Variants in CAMKK1 observed in about 807,000 individuals in gnomAD.
The protein encoded by CAMKK1 is calcium/calmodulin-dependent protein kinase kinase 1.
Under a neutral mutation model 63.5 loss-of-function variants are expected in CAMKK1, and 20 were observed. The observed-to-expected ratio is 0.32, with a 90% CI of 0.22 to 0.46. The LOEUF is 0.46. Ranked by LOEUF, CAMKK1 falls within the 20% of genes least tolerant of loss-of-function variation. The probability of loss-of-function intolerance (pLI) is 1.00; values close to 1 mark genes in which losing one functional copy is unlikely to be tolerated. For synonymous variants in CAMKK1, 253 were observed against 269.0 expected (o/e 0.94, Z 0.58); for missense variants, 588 against 658.1 (o/e 0.89, Z 1.17).
At chr17:3,880,533 C>T in intron 8 of CAMKK1, 99 bp from the exon 9 acceptor site, 1 of 801,800 alleles carries the variant, frequency 1.2e-6, no homozygotes, top group South Asian at 1.5e-5. Flanking sequence ...CCACATGAGT[C>T]CCTACAACTC....
chr17:3,863,549 A>T (rs930272016), intron 15 of CAMKK1, among the ~76,000 whole-genome samples: 15 of 152,162 alleles, frequency 9.9e-5, no homozygotes, highest in African/African-American at 3.4e-4. Flanking sequence ...AAATATTGGG[A>T]CTTGATGATG....
At chr17:3,869,001 C>T (rs1387376061) in intron 14 of CAMKK1, among the ~76,000 whole-genome samples, 2 of 138,090 alleles carry the variant, frequency 1.4e-5, no homozygotes, top group Non-Finnish European at 3.1e-5. Context: ...CGCAGTCTCG[C>T]TCTGTGGCCC....
intron 10 of CAMKK1, 42 bp downstream of exon 10, chr17:3,876,181 C>A: frequency 1.3e-6 from 2 of 1,581,440 alleles, no homozygotes; most frequent in Non-Finnish European, 1.7e-6. Flanking sequence ...GCTATTACGC[C>A]CCCCACTTGA....
rs62070443 is a variant in CAMKK1, at chr17:3,868,062, A to T, written c.1341+1425T>A. Among the ~76,000 whole-genome samples the T allele has an allele frequency of 3.2e-4, 21 of 66,338 alleles. 2 individuals carry two copies. Among genetic ancestry groups the T allele is most frequent in the East Asian group, 1.1e-3 (2 of 1,850 alleles). The allele number at this position is 66,338 out of a possible 152,430, so 43.5% of individuals were successfully genotyped here. On this transcript the variant is annotated intron_variant, in intron 14 of 15. Coordinates refer to ENST00000348335, the MANE Select transcript of CAMKK1 (RefSeq NM_032294.3). ...ACTGATACACAGGATCTGGGGGAGAAGCAGGCGCAGTCTAACTGATACGTG... is the reference window on the plus strand; with the variant it reads ...ACTGATACACAGGATCTGGGGGAGATGCAGGCGCAGTCTAACTGATACGTG...
intron 15 of CAMKK1, chr17:3,865,520 T>G: frequency 1.9e-6 from 2 of 1,027,594 alleles, no homozygotes; most frequent in Non-Finnish European, 2.3e-6. Context: ...CATCAGCCTG[T>G]CTGCAAACCT....
At position 3,885,415 on chromosome 17, in the gene CAMKK1, A is replaced by G. The variant is rs2055603108; in HGVS notation, c.273T>C (p.Tyr91=). Residue 91 remains tyrosine, a synonymous_variant, in exon 2 of 16, where the codon TAT becomes TAC. Coordinates refer to ENST00000348335, the MANE Select transcript of CAMKK1 (RefSeq NM_032294.3). ...GSYLEAQAGP[Y]ATGPASHISP... ...AGATGTGGCTGGCAGGCCCCGTGGC[A>G]TAAGGCCCAGCCTGCGCCTCCAGAT... is the stretch of plus-strand genomic sequence containing the variant. 4 of 1,612,194 alleles carry G rather than the reference A, an allele frequency of 2.5e-6. No homozygotes were observed. Among genetic ancestry groups the G allele is most frequent in the African/African-American group, 1.3e-5 (1 of 75,018 alleles).
In CAMKK1 at chr17:3,864,786, T is replaced by A. The variant is rs938235071; in HGVS notation, c.1445+1122A>T. On this transcript the variant is annotated intron_variant, in intron 15 of 15. Transcript: ENST00000348335. ...CAGGCCCCCCACCTCATTATGAGGC[T>A]CTCCCTGGGTGCAAGCCACCTCCAG... Among the ~76,000 whole-genome samples the A allele has an allele frequency of 2.6e-5, 4 of 152,026 alleles. No homozygotes were observed. The East Asian group carries it at 7.7e-4, about 29-fold the overall frequency.
chr17:3,870,616 T>C lies in CAMKK1; in HGVS notation c.1125-728A>G, dbSNP rs56029218. Among the ~76,000 whole-genome samples the C allele has an allele frequency of 4.5e-3, 684 of 152,160 alleles. 5 individuals are homozygous for C. Among genetic ancestry groups the C allele is most frequent in the African/African-American group, 0.014 (599 of 41,526 alleles). ...TCCTGATCTCATGATCCGCCTGCCTTGGCCTCCCAAAGTGCTGGGATTACA... is the reference window on the plus strand; with the variant it reads ...TCCTGATCTCATGATCCGCCTGCCTCGGCCTCCCAAAGTGCTGGGATTACA... On this transcript the variant is annotated intron_variant, in intron 12 of 15. Transcript: ENST00000348335.
chr17:3,871,333 G>GGTTTTTTT (rs1567617833), intron 12 of CAMKK1, among the ~76,000 whole-genome samples: 2 of 111,004 alleles, frequency 1.8e-5, no homozygotes, highest in African/African-American at 6.4e-5. Context: ...GTTGTTTTTT[G>GGTTTTTTT]TTTTTTTTTT....
At chr17:3,870,236 G>A (rs1230382232) in intron 12 of CAMKK1, among the ~76,000 whole-genome samples, 1 of 152,102 alleles carries the variant, frequency 6.6e-6, no homozygotes, top group Non-Finnish European at 1.5e-5. Context: ...GGAGGAAACT[G>A]AGGCCCAGGG....
intron 14 of CAMKK1, among the ~76,000 whole-genome samples, chr17:3,868,143 G>A (rs1480925606): frequency 3.7e-5 from 1 of 26,980 alleles, no homozygotes; most frequent in Non-Finnish European, 6.6e-5. Context: ...TGGGGGAGAA[G>A]CAGGCGCCGT....
chr17:3,882,342 C>A lies in CAMKK1; in HGVS notation c.685+186G>T. 6.2e-7 allele frequency: 1 copy of A among 1,613,810 alleles called. No homozygotes were observed. The highest frequency in any genetic ancestry group is 1.7e-4 in the Middle Eastern group (1 of 6,060). On this transcript the variant is annotated intron_variant, in intron 7 of 15. Transcript: ENST00000348335. The surrounding 1 kb of genome is among the most constrained non-coding windows in gnomAD (Gnocchi z 4.3). The stretch of plus-strand genomic sequence containing the variant: ...GCTTGGCGATATTTGTTGAATCTAA[C>A]TGGATATTCTGGGCCTGGTTCTGCA...
At position 3,884,344 on chromosome 17, in the gene CAMKK1, C is replaced by T. The variant is rs200075135; in HGVS notation, c.408+36G>A. 1.9e-5 allele frequency: 30 copies of T among 1,609,332 alleles called. No homozygotes were observed. In the East Asian group the frequency reaches 2.5e-4, roughly 13 times the overall value. ...AGGAGCAGCGCCAAACAGAGAATCC[C>T]GAAGCCCCCACTGCTCTCGGCCTGC... On this transcript the variant is annotated intron_variant, in intron 3 of 15. Transcript: ENST00000348335. The surrounding 1 kb of genome is among the most constrained non-coding windows in gnomAD (Gnocchi z 4.5).
chr17:3,866,036 G>A (rs1285712246), intron 14 of CAMKK1, 25 bp from the exon 15 acceptor site: 2 of 1,611,536 alleles, frequency 1.2e-6, no homozygotes, highest in South Asian at 1.1e-5. Context: ...GCAGCGTGAG[G>A]AGCACAGGTC....
chr17:3,891,635 G>A (rs550931344), intron 1 of CAMKK1, among the ~76,000 whole-genome samples: 1 of 152,210 alleles, frequency 6.6e-6, no homozygotes, highest in Non-Finnish European at 1.5e-5. Context: ...ATAGCAAGAG[G>A]AGTTACATCT....
At chr17:3,872,700 C>A (rs1310539331) in intron 11 of CAMKK1, 73 bp from the exon 12 acceptor site, 1 of 1,325,344 alleles carries the variant, frequency 7.5e-7, no homozygotes, top group Non-Finnish European at 1.1e-6. Flanking sequence ...AACCCCCCTC[C>A]CTTGGTGGGG....
At chr17:3,875,338 T>C (rs1041960842) in intron 10 of CAMKK1, among the ~76,000 whole-genome samples, 3 of 152,290 alleles carry the variant, frequency 2.0e-5, no homozygotes, top group South Asian at 4.1e-4. Flanking sequence ...TCACTCAGGC[T>C]AGACACCATC....
chr17:3,871,155 G>T (rs1003411268), intron 12 of CAMKK1, among the ~76,000 whole-genome samples: 1 of 152,070 alleles, frequency 6.6e-6, no homozygotes, highest in Non-Finnish European at 1.5e-5. Flanking sequence ...GGCTAGATAA[G>T]TCTGGGGAGG....
intron 1 of CAMKK1, among the ~76,000 whole-genome samples, chr17:3,886,256 C>T (rs1040546367): frequency 6.6e-6 from 1 of 152,202 alleles, no homozygotes; most frequent in Non-Finnish European, 1.5e-5. Flanking sequence ...CAGCCTCCTA[C>T]CCCCATCCCT....
Sources: allele counts gnomAD v4.1 joint callset (sites outside exome capture counted in the v4.1 genomes callset), GRCh38; gene constraint gnomAD v4.1.1; non-coding constraint Gnocchi (gnomAD v3.1); transcripts MANE v1.5; gene names NCBI Gene and HGNC (gene_info 2026-07-23, HGNC 2026-07-21).